IL1RAPL2: variants seen among roughly 807,000 people sequenced by gnomAD.
IL1RAPL2 encodes the protein interleukin 1 receptor accessory protein like 2.
A neutral mutation model predicts 44.1 loss-of-function variants in IL1RAPL2; 3 were observed. The observed-to-expected ratio is 0.07, with a 90% CI of 0.03 to 0.18. The LOEUF is 0.18. IL1RAPL2 is among the 10% of genes least tolerant of loss of function. The pLI is 1.00. For synonymous variants in IL1RAPL2, 181 were observed against 178.8 expected (o/e 1.01, Z -0.10); for missense variants, 391 against 496.4 (o/e 0.79, Z 2.02).
intron 5 of IL1RAPL2, among the ~76,000 whole-genome samples, chrX:105,409,498 T>G (rs1355597895): frequency 9.0e-6 from 1 of 111,136 alleles, no homozygotes; most frequent in East Asian, 2.8e-4. Flanking sequence ...AAACAAAACA[T>G]ACAAAAATTA....
intron 6 of IL1RAPL2, among the ~76,000 whole-genome samples, chrX:105,604,877 A>G (rs929526988): frequency 2.4e-4 from 27 of 111,673 alleles, no homozygotes; most frequent in Non-Finnish European, 7.6e-5. Context: ...ATGAAGAACA[A>G]AAACCATATG....
intron 2 of IL1RAPL2, among the ~76,000 whole-genome samples, chrX:104,966,545 A>C (rs1226562091): frequency 8.9e-6 from 1 of 112,198 alleles, no homozygotes; most frequent in Non-Finnish European, 1.9e-5. Context: ...GGAAGTTCTA[A>C]CAGTTCTGAA....
intron 2 of IL1RAPL2, among the ~76,000 whole-genome samples, chrX:104,884,736 C>CT (rs1183003962): frequency 9.0e-6 from 1 of 111,601 alleles, no homozygotes; most frequent in Non-Finnish European, 1.9e-5. Context: ...TCCAAGCTTT[C>CT]TTTTCATTGA....
chrX:104,949,967 G>T (rs1296801453), intron 2 of IL1RAPL2, among the ~76,000 whole-genome samples: 1 of 110,696 alleles, frequency 9.0e-6, no homozygotes, highest in African/African-American at 3.3e-5. Context: ...CAATTCCTGG[G>T]TATCCTTGTT....
intron 2 of IL1RAPL2, among the ~76,000 whole-genome samples, chrX:105,086,343 T>C (rs1024449072): frequency 1.8e-5 from 2 of 111,314 alleles, no homozygotes; most frequent in Non-Finnish European, 3.8e-5. Context: ...ACAACATAAA[T>C]AAACCTAGAG....
chrX:104,987,570 T>C (rs906676818), intron 2 of IL1RAPL2, among the ~76,000 whole-genome samples: 1 of 110,835 alleles, frequency 9.0e-6, no homozygotes, highest in African/African-American at 3.3e-5. Context: ...TTTGTGTCCT[T>C]TAGCAAAGTA....
Position 105,280,499 on chromosome X carries a change from G to A in IL1RAPL2, c.697+12958G>A, listed in dbSNP as rs193266341. 4.5e-3 allele frequency among the ~76,000 whole-genome samples: 496 copies of A among 111,233 alleles called. 3 individuals are homozygous for A. The highest frequency in any genetic ancestry group is 0.015 in the African/African-American group (454 of 30,699). ...TCATCAGAGTGAACAGGCAACCTACGGAATGGGAGAAAATTTTTGCAATCT... is the reference window on the plus strand; with the variant it reads ...TCATCAGAGTGAACAGGCAACCTACAGAATGGGAGAAAATTTTTGCAATCT... On this transcript the variant is annotated intron_variant, in intron 5 of 10. Coordinates refer to ENST00000372582, the MANE Select transcript of IL1RAPL2 (RefSeq NM_017416.2).
intron 2 of IL1RAPL2, among the ~76,000 whole-genome samples, chrX:104,870,851 TGAGTAAGG>T (rs1209773598): frequency 9.0e-6 from 1 of 111,441 alleles, no homozygotes; most frequent in Non-Finnish European, 1.9e-5. Context: ...TTGTTAGTTG[TGAGTAAGG>T]GAGCTATTTG....
At chrX:104,601,236 G>C (rs759057986) in intron 1 of IL1RAPL2, among the ~76,000 whole-genome samples, 10 of 109,732 alleles carry the variant, frequency 9.1e-5, no homozygotes, top group Non-Finnish European at 1.9e-4. Context: ...CCATTAACTC[G>C]TCATTTACAT....
intron 1 of IL1RAPL2, among the ~76,000 whole-genome samples, chrX:104,575,520 T>C (rs1213905463): frequency 9.0e-6 from 1 of 111,439 alleles, no homozygotes; most frequent in African/African-American, 3.3e-5. Flanking sequence ...GAAAGGACCA[T>C]GTAGTGTAAT....
In IL1RAPL2 at chrX:105,049,846, G is replaced by A. The variant is rs1430981897; in HGVS notation, c.83-145629G>A. On this transcript the variant is annotated intron_variant, in intron 2 of 10. Transcript: ENST00000372582. ...TAATGAATCCAGTATTAATTGGGGG[G>A]AAACTATTGATTTCTTTTTATAGGC... Among the ~76,000 whole-genome samples the A allele has an allele frequency of 4.5e-5, 5 of 110,582 alleles. No individual in the cohort carries two copies. The East Asian group carries it at 1.1e-3, about 25-fold the overall frequency.
chrX:104,645,906 GC>G (rs1930029049), intron 1 of IL1RAPL2, among the ~76,000 whole-genome samples: 1 of 112,431 alleles, frequency 8.9e-6, no homozygotes, highest in Admixed American at 9.4e-5. Context: ...GACAAGATGT[GC>G]CAATATGGTC....
chrX:104,775,078 C>T (rs1932697083), intron 2 of IL1RAPL2, among the ~76,000 whole-genome samples: 1 of 112,389 alleles, frequency 8.9e-6, no homozygotes, highest in Non-Finnish European at 1.9e-5. Flanking sequence ...AGGAAGAAGA[C>T]CTCTGCCTGG....
intron 2 of IL1RAPL2, among the ~76,000 whole-genome samples, chrX:104,851,117 A>G (rs1040285837): frequency 9.0e-6 from 1 of 111,043 alleles, no homozygotes; most frequent in African/African-American, 3.3e-5. Flanking sequence ...CTACCCTACT[A>G]GCTTTTAATT....
At chrX:104,804,770 C>T (rs1238033970) in intron 2 of IL1RAPL2, among the ~76,000 whole-genome samples, 1 of 112,370 alleles carries the variant, frequency 8.9e-6, no homozygotes, top group African/African-American at 3.2e-5. Context: ...CATTAAGCAA[C>T]CACTCTATTT....
chrX:105,573,075 C>T (rs1372209310), intron 6 of IL1RAPL2, among the ~76,000 whole-genome samples: 1 of 110,406 alleles, frequency 9.1e-6, no homozygotes, highest in Non-Finnish European at 1.9e-5. Flanking sequence ...TGTTTGTTTT[C>T]GAGACAAGGT....
intron 2 of IL1RAPL2, among the ~76,000 whole-genome samples, chrX:104,823,658 C>T (rs1471402683): frequency 1.8e-5 from 2 of 109,509 alleles, no homozygotes; most frequent in East Asian, 5.8e-4. Context: ...AGTTCTAGAT[C>T]CCTGAGGAAT....
At chrX:104,585,499 A>C (rs1176400102) in intron 1 of IL1RAPL2, among the ~76,000 whole-genome samples, 1 of 86,759 alleles carries the variant, frequency 1.2e-5, no homozygotes, top group African/African-American at 4.3e-5. Flanking sequence ...TACGTAGGTA[A>C]ACTTGTGCCA....
intron 5 of IL1RAPL2, among the ~76,000 whole-genome samples, chrX:105,367,633 C>T (rs909121209): frequency 7.2e-5 from 8 of 111,669 alleles, no homozygotes; most frequent in African/African-American, 2.3e-4. Flanking sequence ...ACACACTCTA[C>T]GTTTTATGCC....
Sources: allele counts gnomAD v4.1 joint callset (sites outside exome capture counted in the v4.1 genomes callset), GRCh38; gene constraint gnomAD v4.1.1; transcripts MANE v1.5; gene names NCBI Gene and HGNC (gene_info 2026-07-23, HGNC 2026-07-21).